SIN3A: variants seen among roughly 807,000 people sequenced by gnomAD.
The protein encoded by SIN3A is paired amphipathic helix protein Sin3a.
A neutral mutation model predicts 146.1 loss-of-function variants in SIN3A; 14 were observed. That is an observed-to-expected ratio of 0.10 (90% CI 0.06 to 0.15). SIN3A has a LOEUF of 0.15. Ranked by LOEUF, SIN3A falls within the 10% of genes least tolerant of loss-of-function variation. SIN3A has a pLI of 1.00. For synonymous variants in SIN3A, 572 were observed against 572.0 expected, an observed-to-expected ratio of 1.00 and a Z score of 0.00; for missense variants, 1,028 against 1,576.0, an observed-to-expected ratio of 0.65 and a Z score of 5.89.
intron 2 of SIN3A, among the ~76,000 whole-genome samples, chr15:75,427,412 G>A (rs2073943439): frequency 6.6e-6 from 1 of 152,094 alleles, no homozygotes. Flanking sequence ...GCTCACGCCT[G>A]TAATCCCAGC....
At chr15:75,401,999 T>C in intron 9 of SIN3A, 29 bp from the exon 10 acceptor site, 1 of 1,435,474 alleles carries the variant, frequency 7.0e-7, no homozygotes, top group Non-Finnish European at 9.8e-7. Context: ...AGAAAAACAG[T>C]TTTTGTTTTT....
intron 12 of SIN3A, among the ~76,000 whole-genome samples, chr15:75,397,215 T>G (rs1245344448): frequency 2.0e-5 from 3 of 152,146 alleles, no homozygotes; most frequent in Non-Finnish European, 4.4e-5. Flanking sequence ...GTCTCAACGG[T>G]CTACAACCAA....
chr15:75,440,355 CA>C (rs1415264145), intron 1 of SIN3A, among the ~76,000 whole-genome samples: 3 of 151,534 alleles, frequency 2.0e-5, no homozygotes, highest in Admixed American at 2.0e-4. Context: ...CTCAGCCTCC[CA>C]AAGCAGCTGG....
intron 1 of SIN3A, among the ~76,000 whole-genome samples, chr15:75,433,167 T>C (rs932884149): frequency 1.3e-5 from 2 of 152,128 alleles, no homozygotes; most frequent in Admixed American, 6.5e-5. Context: ...GGGAGAATGT[T>C]TGAGGGCAAA....
chr15:75,450,934 G>A (rs2074393280), intron 1 of SIN3A, among the ~76,000 whole-genome samples: 1 of 152,144 alleles, frequency 6.6e-6, no homozygotes, highest in South Asian at 2.1e-4. Flanking sequence ...GGCCCCTCCG[G>A]CCAACCGGAT....
intron 12 of SIN3A, among the ~76,000 whole-genome samples, chr15:75,399,061 G>C (rs2073358371): frequency 6.6e-6 from 1 of 151,748 alleles, no homozygotes; most frequent in Admixed American, 6.6e-5. Context: ...ATTTACCCAG[G>C]CATGGTAGCA....
intron 4 of SIN3A, 23 bp downstream of exon 4, chr15:75,414,182 G>T: frequency 8.2e-7 from 1 of 1,224,290 alleles, no homozygotes; most frequent in Non-Finnish European, 1.2e-6. Context: ...TACAAAGCTT[G>T]AGTACAATCA....
intron 2 of SIN3A, among the ~76,000 whole-genome samples, chr15:75,423,990 G>A (rs979162096): frequency 2.0e-5 from 3 of 151,726 alleles, no homozygotes; most frequent in African/African-American, 7.3e-5. Flanking sequence ...GCAAGACTCT[G>A]TCTCCAAAAA....
chr15:75,401,741 T>C, intron 10 of SIN3A, 111 bp downstream of exon 10: 1 of 675,422 alleles, frequency 1.5e-6, no homozygotes, highest in Non-Finnish European at 2.6e-6. Flanking sequence ...AACATTTGAG[T>C]CAACTGATGT....
rs62029732 is a variant in SIN3A at position 75,371,878 on chromosome 15, G to A, written c.*101C>T. 3 of 1,085,304 alleles carry A rather than the reference G, an allele frequency of 2.8e-6. No homozygotes were observed. Among genetic ancestry groups the A allele is most frequent in the Non-Finnish European group, 4.1e-6 (3 of 733,916 alleles). 67.2% of individuals were successfully genotyped at this position (1,085,304 alleles called of 1,614,324 possible). ...TGGCCATGTCCCAGAGAGGCCCAGT[G>A]AGGCTTGAAAGGCATCTTCCTTGTT... On this transcript the variant is annotated 3_prime_UTR_variant, in exon 21 of 21. Transcript: ENST00000394947.
intron 1 of SIN3A, 79 bp downstream of exon 1, chr15:75,451,344 C>G (rs1047402947): frequency 7.6e-6 from 1 of 131,308 alleles, no homozygotes; most frequent in African/African-American, 2.7e-5. Flanking sequence ...CAGCCCCCCC[C>G]CCCCAAAATA....
At chr15:75,422,179 G>A (rs2073850692) in intron 3 of SIN3A, 1 of 193,296 alleles carries the variant, frequency 5.2e-6, no homozygotes, top group Non-Finnish European at 1.1e-5. Context: ...CCAGCAGTTT[G>A]AGACCAGCCT....
intron 2 of SIN3A, among the ~76,000 whole-genome samples, chr15:75,424,130 G>A (rs946654905): frequency 1.3e-5 from 2 of 152,032 alleles, no homozygotes; most frequent in Non-Finnish European, 2.9e-5. Flanking sequence ...CTATGAAAGT[G>A]AAATAAAAAA....
At chr15:75,442,142 A>AC (rs1282081714) in intron 1 of SIN3A, among the ~76,000 whole-genome samples, 8 of 149,390 alleles carry the variant, frequency 5.4e-5, no homozygotes, top group Non-Finnish European at 7.4e-5. Context: ...AAAAAAAAAA[A>AC]AAAAAAAAAA....
At chr15:75,425,896 A>G (rs2073915964) in intron 2 of SIN3A, among the ~76,000 whole-genome samples, 1 of 152,236 alleles carries the variant, frequency 6.6e-6, no homozygotes, top group South Asian at 2.1e-4. Flanking sequence ...AGGGAGATGA[A>G]GAAATGAGGG....
intron 1 of SIN3A, among the ~76,000 whole-genome samples, chr15:75,446,896 C>T (rs922511748): frequency 6.6e-6 from 1 of 152,140 alleles, no homozygotes; most frequent in Non-Finnish European, 1.5e-5. Flanking sequence ...CTCAACCTCC[C>T]GAGTAGCTGG....
chr15:75,450,944 T>C (rs1168223817), intron 1 of SIN3A, among the ~76,000 whole-genome samples: 2 of 151,798 alleles, frequency 1.3e-5, no homozygotes, highest in African/African-American at 4.8e-5. Flanking sequence ...GCCAACCGGA[T>C]CCCAAGAAGG....
At chr15:75,386,649 G>A (rs1211444509) in intron 16 of SIN3A, among the ~76,000 whole-genome samples, 1 of 152,210 alleles carries the variant, frequency 6.6e-6, no homozygotes, top group Admixed American at 6.5e-5. Flanking sequence ...TTCATCTGCA[G>A]AGCAAAGCAC....
chr15:75,413,853 A>AC (rs1173995613), intron 4 of SIN3A, among the ~76,000 whole-genome samples: 3 of 152,256 alleles, frequency 2.0e-5, no homozygotes, highest in African/African-American at 7.2e-5. Context: ...ATTTCAGCAC[A>AC]CATCTACATT....
Sources: gnomAD v4.1 joint callset for allele counts (sites outside exome capture counted in the v4.1 genomes callset) on GRCh38, gnomAD v4.1.1 for gene constraint, MANE v1.5 for transcripts, NCBI Gene and HGNC (gene_info 2026-07-23, HGNC 2026-07-21) for gene names.